Variants in NLRP2 observed in about 807,000 individuals in gnomAD.
The protein encoded by NLRP2 is NACHT, LRR and PYD domains-containing protein 2.
In NLRP2, 107 loss-of-function variants were observed where a neutral mutation model predicts 97.2. The ratio of observed to expected loss-of-function variants is 1.10; its 90% CI spans 0.94 to 1.29. The LOEUF is 1.29. Ranked by LOEUF, NLRP2 falls within the 50% of genes most tolerant of loss-of-function variation. The probability of loss-of-function intolerance (pLI) is 0.00; values close to 1 mark genes in which losing one functional copy is unlikely to be tolerated. For missense variants in NLRP2, 1,495 were observed against 1,330.3 expected (o/e 1.12, Z -1.93); for synonymous variants, 663 against 551.5 (o/e 1.20, Z -2.83).
chr19:54,974,592 AC>A (rs780518129), intron 3 of NLRP2, 48 bp downstream of exon 3: 1 of 1,291,314 alleles, frequency 7.7e-7, no homozygotes, highest in Non-Finnish European at 1.1e-6. Context: ...AGATCTGGGG[AC>A]TCGGGCCTTT....
intron 2 of NLRP2, among the ~76,000 whole-genome samples, chr19:54,971,983 C>A (rs1339789132): frequency 6.8e-6 from 1 of 147,348 alleles, no homozygotes; most frequent in Non-Finnish European, 1.5e-5. Flanking sequence ...CATGTCCCAC[C>A]ATGCCTGGCT....
At chr19:54,979,162 T>G (rs1490985836) in intron 4 of NLRP2, among the ~76,000 whole-genome samples, 1 of 151,826 alleles carries the variant, frequency 6.6e-6, no homozygotes, top group African/African-American at 2.4e-5. Context: ...CTTTTGTGTT[T>G]TTAGTACAGA....
intron 4 of NLRP2, among the ~76,000 whole-genome samples, chr19:54,978,315 A>G (rs2071376014): frequency 6.8e-6 from 1 of 147,444 alleles, no homozygotes; most frequent in East Asian, 2.0e-4. Flanking sequence ...GTTCACTGCA[A>G]CCTCCGCCTC....
At chr19:54,975,671 C>A (rs1023386649) in intron 3 of NLRP2, among the ~76,000 whole-genome samples, 41 of 151,900 alleles carry the variant, frequency 2.7e-4, no homozygotes, top group African/African-American at 9.9e-4. Context: ...CCAGGATGGT[C>A]TCGATCTCCT....
intron 6 of NLRP2, 65 bp downstream of exon 6, chr19:54,983,793 A>ATC: frequency 6.3e-7 from 1 of 1,594,896 alleles, no homozygotes. Flanking sequence ...CCTTAGGAAG[A>ATC]GGCCAGAGCC....
chr19:54,980,493 C>T (rs573699600), intron 4 of NLRP2, among the ~76,000 whole-genome samples: 30 of 152,270 alleles, frequency 2.0e-4, no homozygotes, highest in East Asian at 1.5e-3. Flanking sequence ...CGCGCCCAGC[C>T]GCGGGTAAAG....
rs369767424 is a variant in NLRP2 at position 55,000,778 on chromosome 19, T to A, written c.3069T>A (p.Phe1023Leu). The change falls in exon 13 of 13, where the codon TTT becomes TTA. Residue 1023 changes from phenylalanine (F) to leucine (L), a missense_variant. Physicochemically the swap from Phe to Leu is conservative, Grantham distance 22. Coordinates refer to ENST00000448584, the MANE Select transcript of NLRP2 (RefSeq NM_017852.5). ...LRTLRLKIDD[F>L]NDELNKLLEE... is the part of the protein sequence containing the mutation. ...ACCCCAGGTTGAAAATCGATGACTT[T>A]AATGATGAACTCAATAAGCTGCTGG... is the stretch of plus-strand genomic sequence containing the variant. The A allele has an allele frequency of 6.2e-7, 1 of 1,613,638 alleles. No individual in the cohort carries two copies. The highest frequency in any genetic ancestry group is 8.5e-7 in the Non-Finnish European group (1 of 1,179,700).
At chr19:54,967,686 T>C (rs2070552190) in intron 1 of NLRP2, among the ~76,000 whole-genome samples, 1 of 152,040 alleles carries the variant, frequency 6.6e-6, no homozygotes. Context: ...CTGTGGTTGC[T>C]GTGTGTGGAG....
At position 55,000,771 on chromosome 19, in the gene NLRP2, A is replaced by G. The variant is rs771471210; in HGVS notation, c.3062A>G (p.Asp1021Gly). The G allele has an allele frequency of 1.8e-5, 29 of 1,613,654 alleles. No homozygotes were observed. Among genetic ancestry groups the G allele is most frequent in the East Asian group, 1.1e-4 (5 of 44,870 alleles). Reference protein sequence around the residue: ...GTLRTLRLKIDDFNDELNKLL... With the variant: ...GTLRTLRLKIGDFNDELNKLL... ...CCATTGTACCCCAGGTTGAAAATCG[A>G]TGACTTTAATGATGAACTCAATAAG... Residue 1021 changes from aspartate (D) to glycine (G), a missense_variant, in exon 13 of 13, where the codon GAT becomes GGT. Coordinates refer to ENST00000448584, the MANE Select transcript of NLRP2 (RefSeq NM_017852.5).
rs375208908 is a variant in NLRP2 at position 54,983,045 on chromosome 19, G to C, written c.1347G>C (p.Thr449=). 1 of 1,611,404 alleles carries C rather than the reference G, an allele frequency of 6.2e-7. No individual in the cohort carries two copies. Among genetic ancestry groups the C allele is most frequent in the South Asian group, 1.1e-5 (1 of 90,958 alleles). Reference sequence around the variant, plus strand: ...CACAGCTGCGGGGCGCGCTGCGGACGCTGAGCCTCCTGGCCGCGCAGGGCC... The same window carrying C: ...CACAGCTGCGGGGCGCGCTGCGGACCCTGAGCCTCCTGGCCGCGCAGGGCC... ...QGAQLRGALR[T]LSLLAAQGLW... Residue 449 remains threonine, a synonymous_variant, in exon 6 of 13, where the codon ACG becomes ACC. Transcript: ENST00000448584.
At chr19:54,981,204 C>T (rs568532257) in intron 4 of NLRP2, among the ~76,000 whole-genome samples, 13 of 152,130 alleles carry the variant, frequency 8.5e-5, no homozygotes, top group African/African-American at 3.1e-4. Flanking sequence ...GAGTCTTGCT[C>T]TGTTGCCCAG....
intron 4 of NLRP2, among the ~76,000 whole-genome samples, chr19:54,980,299 C>T (rs2071489663): frequency 6.6e-6 from 1 of 151,446 alleles, no homozygotes; most frequent in Non-Finnish European, 1.5e-5. Context: ...CCCGGGTTCA[C>T]GCCATTCTGC....
At chr19:54,993,906 A>G (rs1021130729) in intron 10 of NLRP2, 6 of 344,128 alleles carry the variant, frequency 1.7e-5, no homozygotes, top group Admixed American at 4.3e-5. Context: ...CAACTTCGGC[A>G]GAGCATCTTC....
chr19:55,000,494 G>A (rs1220991664), intron 12 of NLRP2, among the ~76,000 whole-genome samples: 3 of 150,312 alleles, frequency 2.0e-5, no homozygotes, highest in East Asian at 2.0e-4. Flanking sequence ...TAGCCAGGAT[G>A]GTCTTGATCT....
Position 54,983,684 on chromosome 19 carries a change from C to G in NLRP2, c.1986C>G (p.Leu662=). The change falls in exon 6 of 13, where the codon CTC becomes CTG. Residue 662 remains leucine, a synonymous_variant. Coordinates refer to ENST00000448584, the MANE Select transcript of NLRP2 (RefSeq NM_017852.5). The stretch of plus-strand genomic sequence containing the variant: ...CACTGCAGGTAATAAAGGAGAATCT[C>G]CCGGAGAATGTCACTGCGTCTGAAT... ...KMSLQVIKEN[L]PENVTASESD... The G allele has an allele frequency of 6.2e-7, 1 of 1,613,706 alleles. No homozygotes were observed. The highest frequency in any genetic ancestry group is 8.5e-7 in the Non-Finnish European group (1 of 1,180,016).
chr19:54,998,652 T>TAA (rs2072996240), intron 12 of NLRP2, among the ~76,000 whole-genome samples: 1 of 110,272 alleles, frequency 9.1e-6, no homozygotes, highest in Non-Finnish European at 1.9e-5. Flanking sequence ...TTTTTTTTTT[T>TAA]ATTGATCATT....
chr19:54,977,046 C>G (rs1033195786), intron 3 of NLRP2: 2 of 312,220 alleles, frequency 6.4e-6, no homozygotes, highest in Non-Finnish European at 1.2e-5. Context: ...ATCTCCTGAC[C>G]TCATGATCCG....
At chr19:54,979,168 A>G (rs1027906225) in intron 4 of NLRP2, among the ~76,000 whole-genome samples, 5 of 151,628 alleles carry the variant, frequency 3.3e-5, no homozygotes, top group African/African-American at 4.8e-5. Flanking sequence ...TGTTTTTAGT[A>G]CAGATGGGGT....
chr19:54,981,524 C>CCCCCCG, intron 4 of NLRP2, 93 bp from the exon 5 acceptor site: 1 of 450,130 alleles, frequency 2.2e-6, no homozygotes, highest in Admixed American at 2.3e-5. Context: ...CCCTCCCCCC[C>CCCCCCG]GCCCCATCAG....
Sources: gnomAD v4.1 joint callset for allele counts (sites outside exome capture counted in the v4.1 genomes callset) on GRCh38, gnomAD v4.1.1 for gene constraint, MANE v1.5 for transcripts, NCBI Gene and HGNC (gene_info 2026-07-23, HGNC 2026-07-21) for gene names.